ROBO1: variants seen among roughly 807,000 people sequenced by gnomAD.
ROBO1 encodes roundabout guidance receptor 1.
ROBO1 carries 149 observed loss-of-function variants against 195.9 expected under a neutral mutation model. The ratio of observed to expected loss-of-function variants is 0.76; its 90% CI spans 0.67 to 0.87. The LOEUF is 0.87. ROBO1 is among the 40% of genes least tolerant of loss of function. ROBO1 has a pLI of 0.00. For missense variants in ROBO1, 1,933 were observed against 2,068.3 expected (o/e 0.93, Z 1.27); for synonymous variants, 816 against 733.2 (o/e 1.11, Z -1.82).
At chr3:78,769,612 A>G (rs899284480) in intron 4 of ROBO1, among the ~76,000 whole-genome samples, 1 of 90,494 alleles carries the variant, frequency 1.1e-5, no homozygotes, top group Non-Finnish European at 2.0e-5. Flanking sequence ...TTGCCAGTGT[A>G]CTTTGGTTTT....
intron 1 of ROBO1, among the ~76,000 whole-genome samples, chr3:79,623,969 G>T (rs1261733781): frequency 6.6e-6 from 1 of 152,194 alleles, no homozygotes; most frequent in African/African-American, 2.4e-5. Context: ...CACCTACAAA[G>T]GGAAGCTCAT....
At chr3:78,726,349 C>T (rs1480860895) in intron 5 of ROBO1, among the ~76,000 whole-genome samples, 1 of 152,038 alleles carries the variant, frequency 6.6e-6, no homozygotes, top group Non-Finnish European at 1.5e-5. Context: ...TTATGCAGTA[C>T]TAAATTTTTA....
At chr3:79,334,018 C>A (rs2109187733) in intron 2 of ROBO1, among the ~76,000 whole-genome samples, 1 of 152,168 alleles carries the variant, frequency 6.6e-6, no homozygotes, top group East Asian at 1.9e-4. Flanking sequence ...AATATTACCA[C>A]TTCCAGGCTG....
chr3:78,655,048 T>C (rs1363839775), intron 18 of ROBO1, among the ~76,000 whole-genome samples: 1 of 152,224 alleles, frequency 6.6e-6, no homozygotes, highest in Non-Finnish European at 1.5e-5. Flanking sequence ...TCTTACAGTT[T>C]CTTGTGTTGC....
At chr3:79,736,521 T>C (rs914175573) in intron 1 of ROBO1, among the ~76,000 whole-genome samples, 1 of 152,206 alleles carries the variant, frequency 6.6e-6, no homozygotes, top group Non-Finnish European at 1.5e-5. Flanking sequence ...ATTATACCAA[T>C]ACAAGGGAGA....
At chr3:78,793,509 T>A (rs1163454608) in intron 4 of ROBO1, among the ~76,000 whole-genome samples, 1 of 152,158 alleles carries the variant, frequency 6.6e-6, no homozygotes, top group African/African-American at 2.4e-5. Flanking sequence ...AGAAAATAAA[T>A]GTGCTAAATG....
intron 2 of ROBO1, among the ~76,000 whole-genome samples, chr3:79,564,961 T>C (rs368130005): frequency 6.6e-6 from 1 of 152,088 alleles, no homozygotes; most frequent in South Asian, 2.1e-4. Flanking sequence ...TTTTTAGTAA[T>C]GGCAAAAAGA....
intron 2 of ROBO1, among the ~76,000 whole-genome samples, chr3:79,533,702 T>C (rs1033437703): frequency 2.6e-5 from 4 of 152,148 alleles, no homozygotes; most frequent in African/African-American, 4.8e-5. Flanking sequence ...CCCCTAATCA[T>C]TAATATATTT....
At chr3:78,723,406 G>T (rs1442145410) in intron 5 of ROBO1, among the ~76,000 whole-genome samples, 1 of 152,104 alleles carries the variant, frequency 6.6e-6, no homozygotes, top group Non-Finnish European at 1.5e-5. Context: ...CAACACATTT[G>T]TCAGAATATA....
chr3:79,059,123 T>A (rs1382954923), intron 3 of ROBO1, among the ~76,000 whole-genome samples: 2 of 152,138 alleles, frequency 1.3e-5, no homozygotes, highest in Non-Finnish European at 2.9e-5. Context: ...GTGATTGGAA[T>A]ACTTCAGATT....
chr3:79,445,262 A>G (rs78758063), intron 2 of ROBO1, among the ~76,000 whole-genome samples: 4,645 of 151,850 alleles, frequency 0.031, 109 homozygotes, highest in Middle Eastern at 0.11. Flanking sequence ...ATATTACTGA[A>G]TATATACATA....
chr3:78,653,107 G>A (rs1706782339), intron 18 of ROBO1, among the ~76,000 whole-genome samples: 1 of 152,106 alleles, frequency 6.6e-6, no homozygotes, highest in Non-Finnish European at 1.5e-5. Flanking sequence ...TTGTCGTCAT[G>A]AGTTCTTATA....
At chr3:79,150,852 C>T (rs1387120270) in intron 2 of ROBO1, among the ~76,000 whole-genome samples, 2 of 151,760 alleles carry the variant, frequency 1.3e-5, no homozygotes, top group Non-Finnish European at 2.9e-5. Context: ...GGATAGAATC[C>T]TCTACCTTAT....
At chr3:79,303,988 A>C (rs2033107251) in intron 2 of ROBO1, among the ~76,000 whole-genome samples, 1 of 152,180 alleles carries the variant, frequency 6.6e-6, no homozygotes, top group Admixed American at 6.5e-5. Context: ...CAATGCTTCT[A>C]AAAAAATAGT....
At chr3:78,910,003 A>G (rs1205784335) in intron 4 of ROBO1, among the ~76,000 whole-genome samples, 2 of 151,862 alleles carry the variant, frequency 1.3e-5, no homozygotes, top group African/African-American at 4.8e-5. Flanking sequence ...AATTTAATTA[A>G]TGTAAAGTCA....
chr3:78,848,058 A>T (rs923097527), intron 4 of ROBO1, among the ~76,000 whole-genome samples: 1 of 152,160 alleles, frequency 6.6e-6, no homozygotes, highest in South Asian at 2.1e-4. Flanking sequence ...GATGCTAAGA[A>T]CACTGTTACT....
chr3:79,333,546 C>A (rs993151250), intron 2 of ROBO1, among the ~76,000 whole-genome samples: 4 of 152,126 alleles, frequency 2.6e-5, no homozygotes, highest in Non-Finnish European at 5.9e-5. Flanking sequence ...AGCTTATCCA[C>A]AAGATTCCTC....
At chr3:78,716,586 G>A (rs2081907980) in intron 7 of ROBO1, among the ~76,000 whole-genome samples, 1 of 152,140 alleles carries the variant, frequency 6.6e-6, no homozygotes, top group Admixed American at 6.5e-5. Context: ...AACCATATCA[G>A]CTTGATATTG....
intron 1 of ROBO1, among the ~76,000 whole-genome samples, chr3:79,689,564 G>A (rs1195607680): frequency 6.6e-6 from 1 of 151,870 alleles, no homozygotes; most frequent in East Asian, 1.9e-4. Flanking sequence ...TCCTTATGAG[G>A]CAAATAAAAC....
Sources: allele counts gnomAD v4.1 joint callset (sites outside exome capture counted in the v4.1 genomes callset), GRCh38; gene constraint gnomAD v4.1.1; transcripts MANE v1.5; gene names NCBI Gene and HGNC (gene_info 2026-07-23, HGNC 2026-07-21).